Variants in YIPF7 observed in about 807,000 individuals in gnomAD.
YIPF7 encodes Yip1 domain family member 7.
A neutral mutation model predicts 27.2 loss-of-function variants in YIPF7; 35 were observed. The ratio of observed to expected loss-of-function variants is 1.29; its 90% CI spans 0.98 to 1.70. The LOEUF (loss-of-function observed/expected upper bound fraction) is 1.70, where lower values mean the gene tolerates loss of function less well. YIPF7 is among the 40% of genes most tolerant of loss of function. YIPF7 has a pLI of 0.00. For synonymous variants in YIPF7, 137 were observed against 110.4 expected (o/e 1.24, Z -1.51); for missense variants, 358 against 303.7 (o/e 1.18, Z -1.33).
intron 4 of YIPF7, among the ~76,000 whole-genome samples, chr4:44,626,386 T>C (rs533937319): frequency 5.8e-4 from 89 of 152,298 alleles, no homozygotes; most frequent in Non-Finnish European, 1.0e-3. Context: ...ATATTTTACT[T>C]GGATGGGATA....
At chr4:44,627,664 G>A in intron 4 of YIPF7, among the ~76,000 whole-genome samples, 1 of 152,048 alleles carries the variant, frequency 6.6e-6, no homozygotes, top group Non-Finnish European at 1.5e-5. Context: ...AAGTGATAAT[G>A]TTTGCATAAA....
intron 3 of YIPF7, among the ~76,000 whole-genome samples, chr4:44,635,453 GA>G (rs958803793): frequency 4.6e-5 from 7 of 151,702 alleles, no homozygotes; most frequent in Non-Finnish European, 7.4e-5. Flanking sequence ...AGTCAGGAAA[GA>G]AAAAAAACTG....
At chr4:44,650,754 C>T (rs1713707457) in intron 1 of YIPF7, among the ~76,000 whole-genome samples, 2 of 152,238 alleles carry the variant, frequency 1.3e-5, no homozygotes, top group South Asian at 2.1e-4. Flanking sequence ...TTGTTCTATA[C>T]ATTCTCTCTA....
chr4:44,656,517 G>A (rs1713905292), upstream of YIPF7, among the ~76,000 whole-genome samples: 1 of 151,928 alleles, frequency 6.6e-6, no homozygotes, highest in African/African-American at 2.4e-5. Context: ...TATAAAATAT[G>A]AGGATTAGAT....
rs145957817 is a variant in YIPF7, at chr4:44,627,318, T to A, written c.426+2085A>T. 1.3e-4 allele frequency among the ~76,000 whole-genome samples: 20 copies of A among 152,326 alleles called. No individual in the cohort carries two copies. In the East Asian group the frequency reaches 3.7e-3, roughly 28 times the overall value. Reference sequence around the variant, plus strand: ...TTTCTTTGGTTTGTCTCCTTTCGCCTGAAGAAAGCCTACTGAAAGAATTGT... The same window carrying A: ...TTTCTTTGGTTTGTCTCCTTTCGCCAGAAGAAAGCCTACTGAAAGAATTGT... On this transcript the variant is annotated intron_variant, in intron 4 of 5. Transcript: ENST00000415895.
At chr4:44,631,024 A>G (rs1456323682) in intron 3 of YIPF7, among the ~76,000 whole-genome samples, 1 of 152,360 alleles carries the variant, frequency 6.6e-6, no homozygotes, top group East Asian at 1.9e-4. Context: ...GGACTCCACA[A>G]GATTTACATA....
chr4:44,650,502 C>T (rs889272524), intron 1 of YIPF7, among the ~76,000 whole-genome samples: 1 of 77,266 alleles, frequency 1.3e-5, no homozygotes, highest in African/African-American at 4.7e-5. Context: ...CATGCGCGCG[C>T]GCGCGCACAC....
chr4:44,643,625 A>T (rs549952774), intron 2 of YIPF7, among the ~76,000 whole-genome samples: 1 of 152,316 alleles, frequency 6.6e-6, no homozygotes, highest in South Asian at 2.1e-4. Flanking sequence ...ACAGGCTCAG[A>T]GGCCTAGGAA....
chr4:44,629,501 A>T lies in YIPF7; in HGVS notation c.328T>A (p.Leu110Ile). ...DHIWQKTLTV[L>I]NPMKPVDGSI... is the part of the protein sequence containing the mutation. ...CCATCTACTGGCTTCATTGGGTTTA[A>T]CACTGTCAAAGTTTTTTGCCATATG... is the stretch of plus-strand genomic sequence containing the variant. The change falls in exon 4 of 6, where the codon TTA (leucine) becomes ATA (isoleucine). Residue 110 changes from leucine to isoleucine, a missense_variant. Leu to Ile is a conservative substitution (Grantham distance 5, BLOSUM62 2). Coordinates refer to ENST00000415895, the MANE Select transcript of YIPF7 (RefSeq NM_182592.3). 2.5e-6 allele frequency: 4 copies of T among 1,579,212 alleles called. No homozygotes were observed. Among genetic ancestry groups the T allele is most frequent in the Non-Finnish European group, 3.4e-6 (4 of 1,161,620 alleles).
At chr4:44,649,930 G>A in intron 2 of YIPF7, 55 bp downstream of exon 2, 2 of 901,424 alleles carry the variant, frequency 2.2e-6, no homozygotes, top group East Asian at 5.4e-5. Context: ...ACAATATGTG[G>A]GTGACAGAGT....
At chr4:44,636,128 G>T in intron 2 of YIPF7, 43 bp from the exon 3 acceptor site, 1 of 1,540,568 alleles carries the variant, frequency 6.5e-7, no homozygotes, top group Non-Finnish European at 8.8e-7. Flanking sequence ...CTAAGAAAAA[G>T]GTATCATGAC....
intron 1 of YIPF7, among the ~76,000 whole-genome samples, chr4:44,660,868 A>G (rs937964667): frequency 3.3e-5 from 5 of 152,164 alleles, no homozygotes; most frequent in Admixed American, 3.3e-4. Context: ...AGGATGGAAA[A>G]AATTGAGACT....
At position 44,650,220 on chromosome 4, in the gene YIPF7, T is replaced by C. The variant is rs551629734; in HGVS notation, c.-1-119A>G. 36 of 702,794 alleles carry C rather than the reference T, an allele frequency of 5.1e-5. No homozygotes were observed. The East Asian group carries it at 9.8e-4, about 19-fold the overall frequency. The allele number at this position is 702,794 out of a possible 1,614,324, so 43.5% of individuals were successfully genotyped here. On this transcript the variant is annotated intron_variant, in intron 1 of 5. Coordinates refer to ENST00000415895, the MANE Select transcript of YIPF7 (RefSeq NM_182592.3). ...TGAATTCCTATCAGAAAAAAAGATGTCCTTTGAATGGGGTCAATAAAGTAT... is the reference window on the plus strand; with the variant it reads ...TGAATTCCTATCAGAAAAAAAGATGCCCTTTGAATGGGGTCAATAAAGTAT...
At chr4:44,641,277 T>C (rs947137599) in intron 2 of YIPF7, among the ~76,000 whole-genome samples, 3 of 152,096 alleles carry the variant, frequency 2.0e-5, no homozygotes, top group Non-Finnish European at 4.4e-5. Context: ...AGAAGTGTGA[T>C]TGTCTACACA....
At chr4:44,662,183 T>C (rs570448541) in intron 1 of YIPF7, among the ~76,000 whole-genome samples, 10 of 152,356 alleles carry the variant, frequency 6.6e-5, no homozygotes, top group African/African-American at 2.4e-4. Context: ...CTATATATAC[T>C]GTTTCTTCCT....
intron 1 of YIPF7, among the ~76,000 whole-genome samples, chr4:44,661,669 C>A (rs1025422075): frequency 6.6e-6 from 1 of 152,166 alleles, no homozygotes; most frequent in African/African-American, 2.4e-5. Flanking sequence ...ATTTTTTAAT[C>A]TTATATATTT....
At chr4:44,627,046 T>G (rs1712681633) in intron 4 of YIPF7, among the ~76,000 whole-genome samples, 1 of 151,806 alleles carries the variant, frequency 6.6e-6, no homozygotes, top group Admixed American at 6.6e-5. Flanking sequence ...CCTCCCAAAG[T>G]GCTGGGATTA....
Position 44,628,769 on chromosome 4 carries a change from T to A in YIPF7, c.426+634A>T, listed in dbSNP as rs538791068. ...TCTTTACTTTTCTAGTGACCCTTAATATCATTACTTCCAGATATAAAGAAT... is the reference window on the plus strand; with the variant it reads ...TCTTTACTTTTCTAGTGACCCTTAAAATCATTACTTCCAGATATAAAGAAT... On this transcript the variant is annotated intron_variant, in intron 4 of 5. Coordinates refer to ENST00000415895, the MANE Select transcript of YIPF7 (RefSeq NM_182592.3). Among the ~76,000 whole-genome samples the A allele has an allele frequency of 3.2e-4, 49 of 152,302 alleles. No homozygotes were observed. In the South Asian group the frequency reaches 0.01, roughly 32 times the overall value.
upstream of YIPF7, among the ~76,000 whole-genome samples, chr4:44,655,817 T>C (rs1713885725): frequency 6.6e-6 from 1 of 151,810 alleles, no homozygotes; most frequent in Non-Finnish European, 1.5e-5. Flanking sequence ...GCTGCTTCTA[T>C]TTTATAAGCC....
Sources: gnomAD v4.1 joint callset for allele counts (sites outside exome capture counted in the v4.1 genomes callset) on GRCh38, gnomAD v4.1.1 for gene constraint, MANE v1.5 for transcripts, NCBI Gene and HGNC (gene_info 2026-07-23, HGNC 2026-07-21) for gene names.